Variants in PVT1 observed in about 807,000 individuals in gnomAD.
PVT1 encodes CXCR4/PVT1 fusion.
chr8:128,099,197 A>G (rs1814468996), intron 6 of PVT1, among the ~76,000 whole-genome samples: 1 of 152,188 alleles, frequency 6.6e-6, no homozygotes, highest in Non-Finnish European at 1.5e-5. Flanking sequence ...GGGTCACGTG[A>G]TCACACATCC....
intron 3 of PVT1, among the ~76,000 whole-genome samples, chr8:127,911,979 A>G (rs912568680): frequency 1.4e-4 from 22 of 152,306 alleles, no homozygotes; most frequent in African/African-American, 5.3e-4. Context: ...AGTGTGGGGA[A>G]GTTGGTGGAT....
chr8:128,075,498 C>T (rs1163996343), intron 5 of PVT1, among the ~76,000 whole-genome samples: 2 of 152,082 alleles, frequency 1.3e-5, no homozygotes, highest in Non-Finnish European at 2.9e-5. Context: ...GCATTCATTT[C>T]GGAAAAATTA....
chr8:128,043,657 A>G (rs1043616526), intron 4 of PVT1, among the ~76,000 whole-genome samples: 3 of 152,120 alleles, frequency 2.0e-5, no homozygotes, highest in Non-Finnish European at 2.9e-5. Context: ...GTATTTCAAC[A>G]TCTTAATTTT....
chr8:128,045,490 C>CT (rs939224794), intron 4 of PVT1, among the ~76,000 whole-genome samples: 1 of 152,150 alleles, frequency 6.6e-6, no homozygotes, highest in African/African-American at 2.4e-5. Context: ...GTGTTATATG[C>CT]TTTTTAAGTT....
intron 4 of PVT1, among the ~76,000 whole-genome samples, chr8:127,992,806 G>T (rs1439658701): frequency 1.3e-5 from 2 of 152,104 alleles, no homozygotes; most frequent in Non-Finnish European, 2.9e-5. Context: ...CCTTCCCCTG[G>T]TGTCATCTGC....
At chr8:127,929,116 C>T (rs141737371) in intron 3 of PVT1, among the ~76,000 whole-genome samples, 3 of 151,208 alleles carry the variant, frequency 2.0e-5, no homozygotes, top group African/African-American at 4.9e-5. Flanking sequence ...GGGGGTTTAG[C>T]GGGTGGGAAA....
intron 2 of PVT1, among the ~76,000 whole-genome samples, chr8:127,877,935 A>G (rs1815423134): frequency 6.6e-6 from 1 of 152,086 alleles, no homozygotes; most frequent in African/African-American, 2.4e-5. Flanking sequence ...CAAAAAAACA[A>G]CAACCCCCCT....
At chr8:128,041,751 T>G (rs1344200634) in intron 4 of PVT1, among the ~76,000 whole-genome samples, 1 of 152,136 alleles carries the variant, frequency 6.6e-6, no homozygotes, top group Non-Finnish European at 1.5e-5. Context: ...TGCTGAGCAC[T>G]TGCTATGTGT....
chr8:127,960,942 GT>G (rs149416550), intron 3 of PVT1, among the ~76,000 whole-genome samples: 2,799 of 67,196 alleles, frequency 0.042, 128 homozygotes, highest in African/African-American at 0.11. Flanking sequence ...GTGTTTGGGG[GT>G]GGGGGGGGCG....
intron 2 of PVT1, among the ~76,000 whole-genome samples, chr8:127,862,674 C>A (rs746439655): frequency 1.3e-5 from 2 of 152,168 alleles, no homozygotes; most frequent in Non-Finnish European, 2.9e-5. Context: ...CTGGACTCCC[C>A]AGATGCTGGA....
chr8:127,830,282 T>C (rs1026118819), intron 2 of PVT1, among the ~76,000 whole-genome samples: 4 of 152,102 alleles, frequency 2.6e-5, no homozygotes, highest in Non-Finnish European at 5.9e-5. Context: ...TTGAAGAAGA[T>C]AGGAGCAAGC....
chr8:127,969,516 G>A (rs1816740379), intron 3 of PVT1, among the ~76,000 whole-genome samples: 1 of 152,082 alleles, frequency 6.6e-6, no homozygotes, highest in Non-Finnish European at 1.5e-5. Context: ...ACCATCTGGG[G>A]GCTCGAGTCA....
rs530780196 is a variant in PVT1, at chr8:127,914,318, G to A, written n.782+23320G>A. On this transcript the variant is annotated intron_variant and non_coding_transcript_variant, in intron 3 of 10. Coordinates refer to ENST00000651587, the Ensembl canonical transcript of PVT1. The stretch of plus-strand genomic sequence containing the variant: ...AAAAAAAAGGCAGAAAATAGCAAGT[G>A]TTGGTGAGGATGTAGAGAAATTGGA... Among the ~76,000 whole-genome samples, 14 of 131,232 alleles carry A rather than the reference G, an allele frequency of 1.1e-4. No individual in the cohort carries two copies. In the East Asian group the frequency reaches 3.3e-3, roughly 31 times the overall value. 86.1% of individuals were successfully genotyped at this position (131,232 alleles called of 152,430 possible).
At chr8:128,006,560 C>T (rs1025242483) in intron 4 of PVT1, among the ~76,000 whole-genome samples, 2 of 152,048 alleles carry the variant, frequency 1.3e-5, no homozygotes, top group African/African-American at 4.8e-5. Flanking sequence ...TATCTTGTTT[C>T]TCATCACACT....
chr8:128,081,826 A>T (rs1814184250), intron 5 of PVT1, among the ~76,000 whole-genome samples: 1 of 152,244 alleles, frequency 6.6e-6, no homozygotes, highest in Non-Finnish European at 1.5e-5. Flanking sequence ...ACGGCATTTT[A>T]ACTAGTAACA....
At chr8:127,796,772 A>C (rs574970375) in intron 2 of PVT1, among the ~76,000 whole-genome samples, 1 of 149,868 alleles carries the variant, frequency 6.7e-6, no homozygotes, top group African/African-American at 2.5e-5. Context: ...CCCCTTTGCT[A>C]TTTGTTTTAT....
intron 2 of PVT1, among the ~76,000 whole-genome samples, chr8:127,877,504 C>G (rs1307332017): frequency 6.6e-6 from 1 of 152,216 alleles, no homozygotes; most frequent in Non-Finnish European, 1.5e-5. Context: ...TTAGATTCCT[C>G]TCAGGGGACA....
At chr8:127,914,148 C>G (rs1815947876) in intron 3 of PVT1, among the ~76,000 whole-genome samples, 1 of 151,372 alleles carries the variant, frequency 6.6e-6, no homozygotes, top group Non-Finnish European at 1.5e-5. Flanking sequence ...CCAATAAACA[C>G]ATGAAAAGAT....
intron 2 of PVT1, among the ~76,000 whole-genome samples, chr8:127,868,782 T>TATATATATAC (rs1554593019): frequency 1.6e-5 from 1 of 60,656 alleles, no homozygotes; most frequent in Admixed American, 2.6e-4. Flanking sequence ...TATATATATA[T>TATATATATAC]ATATATATAT....
Sources: allele counts gnomAD v4.1 joint callset (sites outside exome capture counted in the v4.1 genomes callset), GRCh38; gene constraint gnomAD v4.1.1; transcripts MANE v1.5; gene names NCBI Gene and HGNC (gene_info 2026-07-23, HGNC 2026-07-21).